The following DCAF8L2 variants were observed in gnomAD, a reference collection of about 807,000 sequenced individuals.
DCAF8L2 encodes DDB1- and CUL4-associated factor 8-like protein 2.
For synonymous variants in DCAF8L2, 200 were observed against 190.9 expected, an observed-to-expected ratio of 1.05 and a Z score of -0.39; for missense variants, 430 against 490.7, an observed-to-expected ratio of 0.88 and a Z score of 1.17.
At chrX:27,640,889 C>T (rs1367886186) in intron 2 of DCAF8L2, among the ~76,000 whole-genome samples, 1 of 111,323 alleles carries the variant, frequency 9.0e-6, no homozygotes, top group Non-Finnish European at 1.9e-5. Context: ...CATTTATGTA[C>T]ATCTTGTTTG....
At chrX:27,630,822 T>G (rs1476977088) in intron 1 of DCAF8L2, among the ~76,000 whole-genome samples, 2 of 112,276 alleles carry the variant, frequency 1.8e-5, no homozygotes, top group African/African-American at 6.5e-5. Context: ...CTATGTCTGG[T>G]GAGGCCCCGT....
chrX:27,513,703 CA>C, the DCAF8L2 span, among the ~76,000 whole-genome samples: 18,004 of 64,032 alleles, frequency 0.28, 1,840 homozygotes, highest in African/African-American at 0.47. Flanking sequence ...GACTCAGTCT[CA>C]AAAAAAAAAA....
chrX:27,678,034 AGAGTTAAAACT>A (rs980388724), intron 3 of DCAF8L2, 122 bp downstream of exon 3: 3 of 111,534 alleles, frequency 2.7e-5, no homozygotes, highest in Non-Finnish European at 3.8e-5. Context: ...AAAATATTTC[AGAGTTAAAACT>A]GACAAGATGA....
chrX:27,610,653 C>T (rs1220645816), intron 1 of DCAF8L2, among the ~76,000 whole-genome samples: 1 of 111,702 alleles, frequency 9.0e-6, no homozygotes, highest in Non-Finnish European at 1.9e-5. Flanking sequence ...TGCCTCCTCT[C>T]TGGCCAAGAG....
chrX:27,477,867 C>T, the DCAF8L2 span, among the ~76,000 whole-genome samples: 1 of 111,595 alleles, frequency 9.0e-6, no homozygotes, highest in African/African-American at 3.3e-5. Flanking sequence ...TCTTAAACTT[C>T]AAGTAAGCAT....
At chrX:27,638,871 T>G (rs1456794062) in intron 2 of DCAF8L2, among the ~76,000 whole-genome samples, 1 of 111,711 alleles carries the variant, frequency 9.0e-6, no homozygotes, top group African/African-American at 3.3e-5. Flanking sequence ...AGTTTCTGAT[T>G]CAATAGATCT....
At chrX:27,638,932 A>G (rs1215914394) in intron 2 of DCAF8L2, among the ~76,000 whole-genome samples, 1 of 111,664 alleles carries the variant, frequency 9.0e-6, no homozygotes, top group Non-Finnish European at 1.9e-5. Context: ...AGGTGCTGCT[A>G]ATGGTGGTCT....
chrX:27,477,478 G>A, the DCAF8L2 span, among the ~76,000 whole-genome samples: 1 of 110,810 alleles, frequency 9.0e-6, no homozygotes, highest in Non-Finnish European at 1.9e-5. Flanking sequence ...TAGTAGAGAC[G>A]GGGTTTCATC....
At chrX:27,589,686 T>C (rs968097626), upstream of DCAF8L2, among the ~76,000 whole-genome samples, 1 of 112,091 alleles carries the variant, frequency 8.9e-6, no homozygotes, top group Non-Finnish European at 1.9e-5. Flanking sequence ...ATTTTGCAAG[T>C]TTTCCAAAAA....
At chrX:27,518,564 C>A in the DCAF8L2 span, 97 of 291,336 alleles carry the variant, frequency 3.3e-4, no homozygotes, top group African/African-American at 2.1e-3. Context: ...ATGGTGAAAC[C>A]CCGTCTCTAC....
At chrX:27,613,486 A>C (rs1927292896) in intron 1 of DCAF8L2, among the ~76,000 whole-genome samples, 1 of 111,106 alleles carries the variant, frequency 9.0e-6, no homozygotes, top group Non-Finnish European at 1.9e-5. Flanking sequence ...TTCCAACACT[A>C]TGTTGAATAG....
chrX:27,519,677 A>G, the DCAF8L2 span: 1 of 600,065 alleles, frequency 1.7e-6, no homozygotes, highest in Middle Eastern at 3.2e-4. Flanking sequence ...AGCGAGGAAG[A>G]ACGTGTAACA....
chrX:27,608,067 T>C (rs1017840897), intron 1 of DCAF8L2, among the ~76,000 whole-genome samples: 3 of 111,768 alleles, frequency 2.7e-5, no homozygotes, highest in Non-Finnish European at 5.6e-5. Flanking sequence ...GTTTATATGA[T>C]ATATGTTAGA....
At chrX:27,512,252 C>A in the DCAF8L2 span, among the ~76,000 whole-genome samples, 1 of 111,272 alleles carries the variant, frequency 9.0e-6, no homozygotes, top group South Asian at 3.8e-4. Flanking sequence ...CCATAGGTGG[C>A]AGAGTGAGAT....
the DCAF8L2 span, among the ~76,000 whole-genome samples, chrX:27,552,739 A>T: frequency 8.9e-6 from 1 of 111,825 alleles, no homozygotes; most frequent in Non-Finnish European, 1.9e-5. Flanking sequence ...TGATGCTTCC[A>T]GCTTTGTTCT....
chrX:27,664,154 C>T (rs1929656772), intron 2 of DCAF8L2, among the ~76,000 whole-genome samples: 1 of 111,066 alleles, frequency 9.0e-6, no homozygotes, highest in Non-Finnish European at 1.9e-5. Context: ...AGGCCAAAAC[C>T]TAGGCCTCTT....
At chrX:27,679,948 G>A (rs1023118684) in intron 3 of DCAF8L2, among the ~76,000 whole-genome samples, 1 of 111,387 alleles carries the variant, frequency 9.0e-6, no homozygotes, top group Non-Finnish European at 1.9e-5. Context: ...ATATCTCAAG[G>A]GGTCCCCCAA....
chrX:27,624,677 A>C (rs1052913009), intron 1 of DCAF8L2, among the ~76,000 whole-genome samples: 3 of 111,441 alleles, frequency 2.7e-5, no homozygotes, highest in Non-Finnish European at 5.6e-5. Context: ...GTAGAATAGA[A>C]TAGAGAACCC....
the DCAF8L2 span, among the ~76,000 whole-genome samples, chrX:27,555,186 G>T: frequency 1.8e-5 from 2 of 111,940 alleles, no homozygotes; most frequent in African/African-American, 6.5e-5. Flanking sequence ...AGTGTCCAGA[G>T]ATAAAATATA....
Sources: allele counts gnomAD v4.1 joint callset (sites outside exome capture counted in the v4.1 genomes callset), GRCh38; gene constraint gnomAD v4.1.1; transcripts MANE v1.5; gene names NCBI Gene and HGNC (gene_info 2026-07-23, HGNC 2026-07-21).